GAD2: variants seen among roughly 807,000 people sequenced by gnomAD.
GAD2 encodes 65 kDa glutamic acid decarboxylase.
Under a neutral mutation model 80.1 loss-of-function variants are expected in GAD2, and 22 were observed. The ratio of observed to expected loss-of-function variants is 0.27; its 90% CI spans 0.20 to 0.39. The LOEUF (loss-of-function observed/expected upper bound fraction) is 0.39, where lower values mean the gene tolerates loss of function less well. GAD2 is among the 10% of genes least tolerant of loss of function. The pLI, the probability that GAD2 is intolerant of heterozygous loss-of-function variation, is 1.00. For missense variants in GAD2, 624 were observed against 738.4 expected (o/e 0.85, Z 1.80); for synonymous variants, 274 against 256.9 (o/e 1.07, Z -0.64).
intron 11 of GAD2, among the ~76,000 whole-genome samples, chr10:26,274,139 C>T (rs985108132): frequency 6.6e-6 from 1 of 152,212 alleles, no homozygotes; most frequent in South Asian, 2.1e-4. Context: ...CACCTTGTAA[C>T]TTATCAATGT....
In GAD2 at chr10:26,217,718, G is replaced by A. The variant is rs1481935254; in HGVS notation, c.136+49G>A. The A allele has an allele frequency of 6.2e-7, 1 of 1,602,914 alleles. No homozygotes were observed. The highest frequency in any genetic ancestry group is 8.5e-7 in the Non-Finnish European group (1 of 1,174,204). ...GCCAAGGTCGGCCCGCGGGGTCCAAGCAGTCTTCTCACCTCCGCATCCCAG... is the reference window on the plus strand; with the variant it reads ...GCCAAGGTCGGCCCGCGGGGTCCAAACAGTCTTCTCACCTCCGCATCCCAG... On this transcript the variant is annotated intron_variant, in intron 2 of 15. Coordinates refer to ENST00000376261, the MANE Select transcript of GAD2 (RefSeq NM_001134366.2). The surrounding 1 kb of genome is among the most constrained non-coding windows in gnomAD (Gnocchi z 4.9).
intron 7 of GAD2, among the ~76,000 whole-genome samples, chr10:26,234,478 A>G (rs1249380549): frequency 1.3e-5 from 2 of 152,196 alleles, no homozygotes; most frequent in East Asian, 1.9e-4. Flanking sequence ...AATAATACCA[A>G]CACTGCTCTT....
At position 26,301,529 on chromosome 10, in the gene GAD2, A is replaced by G. The variant is rs1834329705; in HGVS notation, c.*568A>G. On this transcript the variant is annotated 3_prime_UTR_variant, in exon 16 of 16. Coordinates refer to ENST00000376261, the MANE Select transcript of GAD2 (RefSeq NM_001134366.2). ...TATAGATTTTTATTTTATATAGGTT[A>G]TACAAACTGCGGGGGCAGATATAAA... 6.6e-6 allele frequency: 1 copy of G among 152,144 alleles called. No individual in the cohort carries two copies. Among genetic ancestry groups the G allele is most frequent in the Non-Finnish European group, 1.5e-5 (1 of 68,016 alleles). 9.4% of individuals were successfully genotyped at this position (152,144 alleles called of 1,614,324 possible).
At chr10:26,286,922 A>G (rs1339288221) in intron 13 of GAD2, among the ~76,000 whole-genome samples, 1 of 152,190 alleles carries the variant, frequency 6.6e-6, no homozygotes, top group Non-Finnish European at 1.5e-5. Flanking sequence ...TTATTTTTTG[A>G]CATTTCAAGG....
intron 7 of GAD2, among the ~76,000 whole-genome samples, chr10:26,234,325 C>CA (rs34166651): frequency 4.5e-4 from 31 of 68,780 alleles, no homozygotes; most frequent in East Asian, 2.0e-3. Context: ...GAGACTCCGT[C>CA]AAAAAAAAAA....
At chr10:26,245,852 C>T in intron 7 of GAD2, 69 bp from the exon 8 acceptor site, 1 of 1,237,662 alleles carries the variant, frequency 8.1e-7, no homozygotes, top group East Asian at 2.4e-5. Context: ...AAACAGAAAA[C>T]AAACAGCCAG....
intron 7 of GAD2, 41 bp downstream of exon 7, chr10:26,229,818 A>C (rs770079998): frequency 1.4e-6 from 2 of 1,445,992 alleles, no homozygotes; most frequent in Admixed American, 3.4e-5. Flanking sequence ...GTTATGTTCC[A>C]TAAAGCCCGA....
chr10:26,285,961 T>A (rs1050350469), intron 12 of GAD2, among the ~76,000 whole-genome samples: 4 of 152,306 alleles, frequency 2.6e-5, no homozygotes, highest in Non-Finnish European at 5.9e-5. Context: ...AATATTTTAA[T>A]CATGACAAAA....
At chr10:26,226,467 G>A (rs565197105) in intron 6 of GAD2, among the ~76,000 whole-genome samples, 31 of 152,228 alleles carry the variant, frequency 2.0e-4, no homozygotes, top group Non-Finnish European at 3.2e-4. Context: ...TGCAGACATT[G>A]CAAAGTTGGG....
At chr10:26,224,066 T>C (rs941470249) in intron 5 of GAD2, 89 bp downstream of exon 5, 1 of 919,168 alleles carries the variant, frequency 1.1e-6, no homozygotes, top group Non-Finnish European at 1.7e-6. Context: ...ATCTGTTTTT[T>C]ATTAAGTAGC....
chr10:26,284,640 T>C (rs1184495338), intron 12 of GAD2, among the ~76,000 whole-genome samples: 2 of 150,210 alleles, frequency 1.3e-5, no homozygotes, highest in Non-Finnish European at 3.0e-5. Context: ...GATGTGATCT[T>C]GGCTCACTGC....
rs1052877794 is a variant in GAD2 at position 26,284,104 on chromosome 10, G to A, written c.1237-2241G>A. ...TTTATTGAGGAGGAATAGAGTAAAC[G>A]AGCTCTAAATTCCCTTACAAATCCA... On this transcript the variant is annotated intron_variant, in intron 12 of 15. Transcript: ENST00000376261. 2.0e-5 allele frequency among the ~76,000 whole-genome samples: 3 copies of A among 152,164 alleles called. No individual in the cohort carries two copies. In the East Asian group the frequency reaches 5.8e-4, roughly 29 times the overall value.
At chr10:26,275,237 A>G (rs1845185592) in intron 11 of GAD2, among the ~76,000 whole-genome samples, 1 of 152,238 alleles carries the variant, frequency 6.6e-6, no homozygotes, top group African/African-American at 2.4e-5. Context: ...GCCTATGTAC[A>G]GTACTTTCTC....
intron 7 of GAD2, among the ~76,000 whole-genome samples, chr10:26,241,622 C>T (rs1844744018): frequency 6.6e-6 from 1 of 152,106 alleles, no homozygotes; most frequent in Admixed American, 6.5e-5. Flanking sequence ...AAAACTTTCC[C>T]CAACACGTTA....
At chr10:26,222,582 A>AG (rs986184043) in intron 4 of GAD2, among the ~76,000 whole-genome samples, 1 of 152,082 alleles carries the variant, frequency 6.6e-6, no homozygotes, top group African/African-American at 2.4e-5. Flanking sequence ...GGGTAAACTG[A>AG]GGGGGTCAGC....
intron 7 of GAD2, among the ~76,000 whole-genome samples, chr10:26,232,954 T>G (rs536758126): frequency 6.6e-6 from 1 of 152,352 alleles, no homozygotes; most frequent in African/African-American, 2.4e-5. Flanking sequence ...GCTCTAACTT[T>G]GGCCTATCAT....
At chr10:26,265,882 A>G (rs1201188936) in intron 8 of GAD2, among the ~76,000 whole-genome samples, 2 of 152,254 alleles carry the variant, frequency 1.3e-5, no homozygotes, top group Admixed American at 6.5e-5. Context: ...TGTCCCCGCA[A>G]CATATGGGCA....
At chr10:26,270,581 C>A in intron 9 of GAD2, 59 bp from the exon 10 acceptor site, 1 of 1,239,890 alleles carries the variant, frequency 8.1e-7, no homozygotes, top group Non-Finnish European at 1.2e-6. Flanking sequence ...TTTGAATCAG[C>A]TTTTTAAAAG....
At chr10:26,286,263 T>C in intron 12 of GAD2, 82 bp from the exon 13 acceptor site, 1 of 1,259,508 alleles carries the variant, frequency 7.9e-7, no homozygotes, top group South Asian at 1.4e-5. Flanking sequence ...GTCTCTTACT[T>C]CTTTTTTCTT....
Sources: allele counts gnomAD v4.1 joint callset (sites outside exome capture counted in the v4.1 genomes callset), GRCh38; gene constraint gnomAD v4.1.1; non-coding constraint Gnocchi (gnomAD v3.1); transcripts MANE v1.5; gene names NCBI Gene and HGNC (gene_info 2026-07-23, HGNC 2026-07-21).